The following ACBD6 variants were observed in gnomAD, a reference collection of about 807,000 sequenced individuals.
ACBD6 encodes the protein acyl-CoA binding domain containing 6, also known as acyl-CoA-binding domain-containing protein 6.
Under a neutral mutation model 37.2 loss-of-function variants are expected in ACBD6, and 28 were observed. That is an observed-to-expected ratio of 0.75 (90% CI 0.56 to 1.03). The LOEUF (loss-of-function observed/expected upper bound fraction) is 1.03. Ranked by LOEUF, ACBD6 falls within the 50% of genes least tolerant of loss-of-function variation. ACBD6 has a pLI of 0.00. For missense variants in ACBD6, 340 were observed against 337.4 expected, an observed-to-expected ratio of 1.01 and a Z score of -0.06; for synonymous variants, 113 against 126.8, an observed-to-expected ratio of 0.89 and a Z score of 0.73.
At chr1:180,323,499 T>C (rs1264538381) in intron 6 of ACBD6, among the ~76,000 whole-genome samples, 2 of 152,084 alleles carry the variant, frequency 1.3e-5, no homozygotes, top group East Asian at 1.9e-4. Context: ...CAGTGGTATG[T>C]TGGAGTCTCC....
intron 4 of ACBD6, among the ~76,000 whole-genome samples, chr1:180,416,524 C>A (rs1281742028): frequency 6.6e-6 from 1 of 152,132 alleles, no homozygotes; most frequent in Non-Finnish European, 1.5e-5. Flanking sequence ...TTATCATATT[C>A]ATTATCTATA....
intron 7 of ACBD6, among the ~76,000 whole-genome samples, chr1:180,292,855 G>A (rs1049576512): frequency 3.3e-5 from 5 of 152,022 alleles, no homozygotes; most frequent in Admixed American, 1.3e-4. Context: ...ATTAACTGTC[G>A]ATTTTCTCAG....
At chr1:180,349,939 C>T (rs886240074) in intron 6 of ACBD6, among the ~76,000 whole-genome samples, 10 of 151,118 alleles carry the variant, frequency 6.6e-5, no homozygotes, top group African/African-American at 2.4e-4. Context: ...TTTCCTCCTC[C>T]TAACAACTGC....
intron 4 of ACBD6, among the ~76,000 whole-genome samples, chr1:180,425,758 T>C (rs1174903794): frequency 1.3e-5 from 2 of 152,194 alleles, no homozygotes; most frequent in Non-Finnish European, 2.9e-5. Context: ...ACGTTACAGC[T>C]TTTTCTCCAA....
At chr1:180,453,451 G>A (rs545644020) in intron 3 of ACBD6, among the ~76,000 whole-genome samples, 58 of 152,284 alleles carry the variant, frequency 3.8e-4, no homozygotes, top group African/African-American at 1.3e-3. Flanking sequence ...TATTGAATGG[G>A]CAAAAGCTAG....
At chr1:180,283,845 T>C (rs1649386613), downstream of ACBD6, among the ~76,000 whole-genome samples, 1 of 152,160 alleles carries the variant, frequency 6.6e-6, no homozygotes, top group African/African-American at 2.4e-5. Flanking sequence ...AAATTCTCAT[T>C]GAAGCATTTT....
In ACBD6 at chr1:180,274,207, T is replaced by C. The variant is rs749703414; in HGVS notation, c.*937-95A>G. The C allele has an allele frequency of 1.1e-5, 17 of 1,614,110 alleles. No individual in the cohort carries two copies. The Admixed American group carries it at 1.5e-4, about 14-fold the overall frequency. On this transcript the variant is annotated intron_variant, in intron 10 of 13. Transcript: ENST00000642319. Reference sequence around the variant, plus strand: ...CAGAGGATCAAATTCTCTCAGAACTTGGCCACACCAATAGGATTTATGGCA... The same window carrying C: ...CAGAGGATCAAATTCTCTCAGAACTCGGCCACACCAATAGGATTTATGGCA...
intron 6 of ACBD6, among the ~76,000 whole-genome samples, chr1:180,321,888 G>A (rs1651086625): frequency 6.6e-6 from 1 of 152,150 alleles, no homozygotes. Context: ...GATTGCTCTA[G>A]CTAGGTCTTC....
At chr1:180,411,922 G>A (rs1356921589) in intron 5 of ACBD6, among the ~76,000 whole-genome samples, 10 of 151,830 alleles carry the variant, frequency 6.6e-5, no homozygotes, top group African/African-American at 2.4e-4. Flanking sequence ...TGCCCACCTC[G>A]GCCTCCCAAA....
At chr1:180,482,209 T>C (rs1321480629) in intron 3 of ACBD6, among the ~76,000 whole-genome samples, 2 of 152,174 alleles carry the variant, frequency 1.3e-5, no homozygotes, top group Non-Finnish European at 2.9e-5. Context: ...AATTTATCTA[T>C]CTTTCAATAA....
intron 2 of ACBD6, among the ~76,000 whole-genome samples, chr1:180,492,599 G>A (rs1342599958): frequency 2.0e-5 from 3 of 151,762 alleles, no homozygotes; most frequent in South Asian, 4.2e-4. Flanking sequence ...CGTCCTCCCC[G>A]TGAAATTTTA....
rs200104643 is a variant in ACBD6 at position 180,430,268 on chromosome 1, G to A, written c.385-6C>T. 53 of 1,611,626 alleles carry A rather than the reference G, an allele frequency of 3.3e-5. No homozygotes were observed. The East Asian group carries it at 1.1e-3, about 35-fold the overall frequency. On this transcript the variant is annotated splice_region_variant and splice_polypyrimidine_tract_variant and intron_variant, in intron 3 of 7. Coordinates refer to ENST00000367595, the MANE Select transcript of ACBD6 (RefSeq NM_032360.4). The stretch of plus-strand genomic sequence containing the variant: ...TTTCCTTTCTTCTCTGGTATCTGTG[G>A]GAAGGAGAAAAAAAAGTGAAAAAAA...
chr1:180,320,405 G>A (rs1252154040), intron 6 of ACBD6, among the ~76,000 whole-genome samples: 3 of 152,178 alleles, frequency 2.0e-5, no homozygotes, highest in African/African-American at 7.2e-5. Flanking sequence ...GGAGGCTGAG[G>A]CAGATGGATC....
intron 7 of ACBD6, among the ~76,000 whole-genome samples, chr1:180,292,315 C>T (rs563196444): frequency 6.6e-6 from 1 of 152,252 alleles, no homozygotes; most frequent in East Asian, 1.9e-4. Flanking sequence ...AATGGTATCT[C>T]TTTCCATTTA....
intron 3 of ACBD6, among the ~76,000 whole-genome samples, chr1:180,489,130 C>T (rs548465254): frequency 6.6e-6 from 1 of 152,008 alleles, no homozygotes; most frequent in African/African-American, 2.4e-5. Context: ...TGTGCCACTG[C>T]ACTCCAGCCT....
chr1:180,371,752 G>A (rs762170455), intron 6 of ACBD6, among the ~76,000 whole-genome samples: 1 of 152,056 alleles, frequency 6.6e-6, no homozygotes, highest in Non-Finnish European at 1.5e-5. Flanking sequence ...TTTGATCACA[G>A]AATCATTTAG....
intron 7 of ACBD6, among the ~76,000 whole-genome samples, chr1:180,289,895 T>C (rs756464744): frequency 3.9e-5 from 6 of 152,138 alleles, no homozygotes; most frequent in Non-Finnish European, 7.4e-5. Context: ...CATACAAATA[T>C]GTACTGAAAC....
At chr1:180,271,570 C>T (rs200427160) in exon 14 of ACBD6, 3 of 1,611,940 alleles carry the variant, frequency 1.9e-6, no homozygotes, top group East Asian at 4.5e-5. Flanking sequence ...TCCGGGGATC[C>T]CAGGCCCGGG....
intron 6 of ACBD6, among the ~76,000 whole-genome samples, chr1:180,389,597 A>T (rs1653989561): frequency 6.6e-6 from 1 of 152,196 alleles, no homozygotes; most frequent in African/African-American, 2.4e-5. Flanking sequence ...ACAATGGTTG[A>T]ACTAGTTTAA....
Sources: gnomAD v4.1 joint callset for allele counts (sites outside exome capture counted in the v4.1 genomes callset) on GRCh38, gnomAD v4.1.1 for gene constraint, MANE v1.5 for transcripts, NCBI Gene and HGNC (gene_info 2026-07-23, HGNC 2026-07-21) for gene names.